The following DGKB variants were observed in gnomAD, a reference collection of about 807,000 sequenced individuals.
DGKB encodes 90 kDa diacylglycerol kinase.
A neutral mutation model predicts 114.3 loss-of-function variants in DGKB; 67 were observed. The observed-to-expected ratio is 0.59, with a 90% CI of 0.48 to 0.72. The LOEUF is 0.72. Ranked by LOEUF, DGKB falls within the 30% of genes least tolerant of loss-of-function variation. DGKB has a pLI of 0.00. For missense variants in DGKB, 907 were observed against 975.2 expected (o/e 0.93, Z 0.93); for synonymous variants, 398 against 323.1 (o/e 1.23, Z -2.49).
At chr7:14,660,323 T>G (rs1816774157) in intron 13 of DGKB, among the ~76,000 whole-genome samples, 1 of 151,722 alleles carries the variant, frequency 6.6e-6, no homozygotes, top group African/African-American at 2.4e-5. Flanking sequence ...AGTTCCTCCT[T>G]GTACCTCTGG....
chr7:14,562,635 A>G (rs1796834383), intron 20 of DGKB, among the ~76,000 whole-genome samples: 1 of 152,180 alleles, frequency 6.6e-6, no homozygotes, highest in Admixed American at 6.5e-5. Context: ...CGAAGGTTTA[A>G]TGACTGCCCT....
At chr7:14,155,524 A>G (rs1782883042) in intron 25 of DGKB, among the ~76,000 whole-genome samples, 1 of 152,140 alleles carries the variant, frequency 6.6e-6, no homozygotes. Context: ...TCTCTCTGAC[A>G]GCAGAGATTA....
intron 21 of DGKB, among the ~76,000 whole-genome samples, chr7:14,394,876 A>G (rs1422434499): frequency 6.6e-6 from 1 of 152,114 alleles, no homozygotes; most frequent in Non-Finnish European, 1.5e-5. Flanking sequence ...TTAAAGAAGT[A>G]TTAAGAAAAT....
At chr7:14,720,432 G>A (rs972555123) in intron 5 of DGKB, among the ~76,000 whole-genome samples, 1 of 151,840 alleles carries the variant, frequency 6.6e-6, no homozygotes, top group Non-Finnish European at 1.5e-5. Flanking sequence ...AGCCTCCTGA[G>A]TAGCTGGGAT....
intron 2 of DGKB, among the ~76,000 whole-genome samples, chr7:14,786,277 T>C (rs1476847616): frequency 5.3e-5 from 8 of 152,232 alleles, no homozygotes; most frequent in Admixed American, 3.9e-4. Flanking sequence ...ATCGGTTGAA[T>C]GTGTGCATGT....
intron 23 of DGKB, among the ~76,000 whole-genome samples, chr7:14,257,122 C>T (rs1368603597): frequency 6.6e-6 from 1 of 151,992 alleles, no homozygotes; most frequent in Non-Finnish European, 1.5e-5. Flanking sequence ...ATGATCTTGC[C>T]AATGGACTCT....
chr7:14,668,260 G>A (rs965794881), intron 13 of DGKB, among the ~76,000 whole-genome samples: 2 of 152,040 alleles, frequency 1.3e-5, no homozygotes, highest in Admixed American at 1.3e-4. Context: ...AAAGAGACAG[G>A]ATTAAGAACA....
At chr7:14,252,613 C>A (rs1371304236) in intron 23 of DGKB, among the ~76,000 whole-genome samples, 1 of 152,112 alleles carries the variant, frequency 6.6e-6, no homozygotes, top group African/African-American at 2.4e-5. Context: ...CTCAACCAGG[C>A]GCCAGGCTCC....
intron 25 of DGKB, among the ~76,000 whole-genome samples, chr7:14,150,501 C>T (rs1392379893): frequency 6.6e-6 from 1 of 151,956 alleles, no homozygotes; most frequent in Non-Finnish European, 1.5e-5. Flanking sequence ...TGTGAAAAAC[C>T]TTGAAAGAAT....
chr7:14,341,295 T>C (rs1811563926), intron 22 of DGKB, among the ~76,000 whole-genome samples: 1 of 151,852 alleles, frequency 6.6e-6, no homozygotes, highest in Non-Finnish European at 1.5e-5. Flanking sequence ...GCTTTAACGT[T>C]ATGTTCATTA....
chr7:14,971,047 G>A (rs1239884206), intron 1 of DGKB, among the ~76,000 whole-genome samples: 1 of 152,108 alleles, frequency 6.6e-6, no homozygotes, highest in Non-Finnish European at 1.5e-5. Flanking sequence ...AGTCAAATAA[G>A]GTAAACTTTT....
chr7:14,187,876 A>AAAAT (rs1319760192), intron 23 of DGKB, among the ~76,000 whole-genome samples: 1 of 152,226 alleles, frequency 6.6e-6, no homozygotes, highest in African/African-American at 2.4e-5. Context: ...TAATATCTGA[A>AAAAT]AAATAAATTC....
intron 8 of DGKB, 61 bp from the exon 9 acceptor site, chr7:14,694,255 A>G: frequency 4.2e-6 from 6 of 1,425,380 alleles, no homozygotes; most frequent in Non-Finnish European, 5.7e-6. Flanking sequence ...TTCATAGGCT[A>G]CAACATATGA....
chr7:14,685,184 C>T, intron 10 of DGKB, 61 bp downstream of exon 10: 1 of 1,077,530 alleles, frequency 9.3e-7, no homozygotes. Context: ...TAAGACTATT[C>T]CATGAAATCA....
chr7:14,971,499 G>C (rs964383667), intron 1 of DGKB, among the ~76,000 whole-genome samples: 1 of 152,074 alleles, frequency 6.6e-6, no homozygotes, highest in South Asian at 2.1e-4. Context: ...TGTGGTTCAA[G>C]ATTTGTAGCT....
intron 1 of DGKB, among the ~76,000 whole-genome samples, chr7:14,899,898 T>G (rs555926965): frequency 6.6e-6 from 1 of 152,122 alleles, no homozygotes; most frequent in African/African-American, 2.4e-5. Context: ...AGAATTAGAG[T>G]TAGTCACATC....
intron 25 of DGKB, among the ~76,000 whole-genome samples, chr7:14,169,202 T>TAAA (rs71033976): frequency 6.9e-6 from 1 of 145,032 alleles, no homozygotes; most frequent in Non-Finnish European, 1.5e-5. Context: ...TACTAAAAAT[T>TAAA]AAAAAAAAAA....
At chr7:14,820,851 C>T (rs940656013) in intron 2 of DGKB, among the ~76,000 whole-genome samples, 6 of 152,036 alleles carry the variant, frequency 3.9e-5, no homozygotes, top group Non-Finnish European at 5.9e-5. Flanking sequence ...CAATGTGGCT[C>T]GGTAATTAAA....
intron 21 of DGKB, among the ~76,000 whole-genome samples, chr7:14,451,424 G>C (rs950626128): frequency 5.3e-5 from 8 of 151,978 alleles, no homozygotes; most frequent in African/African-American, 1.9e-4. Context: ...CAGGCTATTG[G>C]ACTCAGACTG....
Sources: gnomAD v4.1 joint callset for allele counts (sites outside exome capture counted in the v4.1 genomes callset) on GRCh38, gnomAD v4.1.1 for gene constraint, MANE v1.5 for transcripts, NCBI Gene and HGNC (gene_info 2026-07-23, HGNC 2026-07-21) for gene names.